The following EDA variants were observed in gnomAD, a reference collection of about 807,000 sequenced individuals.
EDA encodes ectodysplasin A, also known as ectodysplasin-A.
In EDA, 2 loss-of-function variants were observed where a neutral mutation model predicts 23.6. The observed-to-expected ratio is 0.08, with a 90% CI of 0.03 to 0.27. The LOEUF is 0.27. Among genes scored for constraint, EDA ranks in the 10% least tolerant of loss-of-function variants. The pLI is 1.00. For missense variants in EDA, 229 were observed against 324.2 expected, an observed-to-expected ratio of 0.71 and a Z score of 2.26; for synonymous variants, 131 against 132.0, an observed-to-expected ratio of 0.99 and a Z score of 0.05.
At chrX:69,730,732 C>G (rs182388539) in intron 1 of EDA, among the ~76,000 whole-genome samples, 2 of 111,752 alleles carry the variant, frequency 1.8e-5, no homozygotes, top group East Asian at 5.6e-4. Flanking sequence ...CAGTGCTGTG[C>G]TTTAGTAAAT....
intron 2 of EDA, among the ~76,000 whole-genome samples, chrX:69,979,573 T>G (rs920224099): frequency 8.9e-6 from 1 of 111,853 alleles, no homozygotes; most frequent in Non-Finnish European, 1.9e-5. Context: ...TTTATCTTTT[T>G]GATTATATCA....
At chrX:69,714,907 G>T (rs2012255056) in intron 1 of EDA, among the ~76,000 whole-genome samples, 1 of 109,875 alleles carries the variant, frequency 9.1e-6, no homozygotes, top group African/African-American at 3.3e-5. Flanking sequence ...AAATAAGCTT[G>T]CCTATGTCTA....
rs909935259 is a variant in EDA, at chrX:69,946,802, C to T, written c.397-10225C>T. Among the ~76,000 whole-genome samples the T allele has an allele frequency of 1.4e-4, 16 of 110,932 alleles. No individual in the cohort carries two copies. In the South Asian group the frequency reaches 1.5e-3, roughly 11 times the overall value. On this transcript the variant is annotated intron_variant, in intron 1 of 7. Transcript: ENST00000374552. Reference sequence around the variant, plus strand: ...TCTCCATTGGCAGCAGAATGGATTTCGTAGAATGCTATTAATAGTGAAATT... The same window carrying T: ...TCTCCATTGGCAGCAGAATGGATTTTGTAGAATGCTATTAATAGTGAAATT...
chrX:69,824,217 T>G (rs1320565694), intron 1 of EDA, among the ~76,000 whole-genome samples: 2 of 110,923 alleles, frequency 1.8e-5, no homozygotes, highest in Non-Finnish European at 3.8e-5. Context: ...TAAAGTAGTT[T>G]TTTCCAATTC....
intron 1 of EDA, among the ~76,000 whole-genome samples, chrX:69,683,516 G>T (rs771288665): frequency 9.0e-6 from 1 of 111,356 alleles, no homozygotes; most frequent in Non-Finnish European, 1.9e-5. Context: ...CCCAAGCTAA[G>T]TTTAATCTCT....
intron 1 of EDA, among the ~76,000 whole-genome samples, chrX:69,894,857 G>A (rs1243209706): frequency 9.0e-6 from 1 of 111,693 alleles, no homozygotes; most frequent in Non-Finnish European, 1.9e-5. Flanking sequence ...TGCAAACAGA[G>A]ATAGTTTGAC....
chrX:69,690,072 G>GT (rs1934667411), intron 1 of EDA, among the ~76,000 whole-genome samples: 1 of 110,358 alleles, frequency 9.1e-6, no homozygotes, highest in Non-Finnish European at 1.9e-5. Flanking sequence ...GTGTGTGTGT[G>GT]GATTCCTTAG....
chrX:69,707,912 A>T (rs921593723), intron 1 of EDA, among the ~76,000 whole-genome samples: 20 of 111,490 alleles, frequency 1.8e-4, no homozygotes, highest in East Asian at 1.4e-3. Context: ...TTGTGGATTT[A>T]AAAAAATGCT....
intron 1 of EDA, among the ~76,000 whole-genome samples, chrX:69,788,857 A>G (rs1200141440): frequency 8.8e-6 from 1 of 113,112 alleles, no homozygotes; most frequent in African/African-American, 3.2e-5. Context: ...TTACCTAAGC[A>G]AGCCTGGGCA....
At chrX:69,737,378 T>C (rs1225399949) in intron 1 of EDA, among the ~76,000 whole-genome samples, 1 of 112,027 alleles carries the variant, frequency 8.9e-6, no homozygotes, top group East Asian at 2.8e-4. Flanking sequence ...TTATCTCCAC[T>C]GTTGGCTTAC....
intron 1 of EDA, among the ~76,000 whole-genome samples, chrX:69,746,319 T>A (rs1220296305): frequency 9.0e-6 from 1 of 111,676 alleles, no homozygotes; most frequent in Admixed American, 9.6e-5. Flanking sequence ...GAAATCATAC[T>A]CAAATTTTCT....
intron 1 of EDA, among the ~76,000 whole-genome samples, chrX:69,826,298 G>T (rs996554947): frequency 1.8e-5 from 2 of 110,542 alleles, no homozygotes; most frequent in African/African-American, 6.6e-5. Flanking sequence ...TGACAGTGGG[G>T]TATTAAAGTC....
At chrX:69,680,779 TG>T (rs1447788285) in intron 1 of EDA, among the ~76,000 whole-genome samples, 16 of 99,031 alleles carry the variant, frequency 1.6e-4, no homozygotes, top group Non-Finnish European at 4.0e-5. Flanking sequence ...TTATCCAATT[TG>T]CCAGTCTGTG....
chrX:69,691,755 T>C (rs1425808796), intron 1 of EDA, among the ~76,000 whole-genome samples: 1 of 111,908 alleles, frequency 8.9e-6, no homozygotes, highest in African/African-American at 3.2e-5. Flanking sequence ...TCTGACCTTT[T>C]AATGAACTTT....
chrX:69,920,805 T>G (rs1438845947), intron 1 of EDA, among the ~76,000 whole-genome samples: 1 of 111,872 alleles, frequency 8.9e-6, no homozygotes, highest in African/African-American at 3.2e-5. Flanking sequence ...TTATTTTGCC[T>G]TTTCATATTT....
chrX:69,833,696 T>C (rs1331882775), intron 1 of EDA, among the ~76,000 whole-genome samples: 1 of 111,256 alleles, frequency 9.0e-6, no homozygotes, highest in African/African-American at 3.3e-5. Context: ...GTTGGTAGGC[T>C]ATTAATTATT....
At chrX:70,016,121 TA>T (rs781024835) in intron 2 of EDA, among the ~76,000 whole-genome samples, 1 of 111,519 alleles carries the variant, frequency 9.0e-6, no homozygotes, top group South Asian at 3.8e-4. Flanking sequence ...ACAACAATTT[TA>T]AAAGACAAAG....
chrX:69,998,995 C>G (rs2019700875), intron 2 of EDA, among the ~76,000 whole-genome samples: 1 of 111,866 alleles, frequency 8.9e-6, no homozygotes, highest in Non-Finnish European at 1.9e-5. Flanking sequence ...ACCTCCCAGA[C>G]TTTGTTTCTT....
chrX:70,011,332 CTTT>C (rs749449651), intron 2 of EDA, among the ~76,000 whole-genome samples: 1 of 96,664 alleles, frequency 1.0e-5, no homozygotes. Flanking sequence ...TGCATTTTCG[CTTT>C]TTTTTTTTTT....
Sources: gnomAD v4.1 joint callset for allele counts (sites outside exome capture counted in the v4.1 genomes callset) on GRCh38, gnomAD v4.1.1 for gene constraint, MANE v1.5 for transcripts, NCBI Gene and HGNC (gene_info 2026-07-23, HGNC 2026-07-21) for gene names.